The following ZNF483 variants were observed in gnomAD, a reference collection of about 807,000 sequenced individuals.
ZNF483 encodes the protein zinc finger protein HIT-10.
A neutral mutation model predicts 28.6 loss-of-function variants in ZNF483; 9 were observed. The ratio of observed to expected loss-of-function variants is 0.32; its 90% CI spans 0.19 to 0.55. The LOEUF (loss-of-function observed/expected upper bound fraction) is 0.55, where lower values mean the gene tolerates loss of function less well. Ranked by LOEUF, ZNF483 falls within the 20% of genes least tolerant of loss-of-function variation. The pLI, the probability that ZNF483 is intolerant of heterozygous loss-of-function variation, is 0.93. For synonymous variants in ZNF483, 322 were observed against 306.2 expected (o/e 1.05, Z -0.54); for missense variants, 675 against 871.7 (o/e 0.77, Z 2.84).
chr9:111,534,975 G>A (rs566855812), intron 5 of ZNF483, among the ~76,000 whole-genome samples: 55 of 151,994 alleles, frequency 3.6e-4, no homozygotes, highest in Admixed American at 1.0e-3. Flanking sequence ...GGCCTGCCTC[G>A]GCCTCCCAAA....
Position 111,560,966 on chromosome 9 carries a change from TATATATATAGAGAGAGAGAGAG to T in ZNF483, c.722-15397_722-15376del, listed in dbSNP as rs1278569108. 9.0e-4 allele frequency among the ~76,000 whole-genome samples: 41 copies of T among 45,356 alleles called. 5 individuals carry two copies. The highest frequency in any genetic ancestry group is 1.9e-3 in the South Asian group (2 of 1,080). 29.8% of individuals were successfully genotyped at this position (45,356 alleles called of 152,430 possible). Reference sequence around the variant, plus strand: ...TAAAATATATATATATATATATATATATATATATAGAGAGAGAGAGAGAGAGAGAGAGAGAGAGAGAGAGAGA... The same window carrying T: ...TAAAATATATATATATATATATATATAGAGAGAGAGAGAGAGAGAGAGAGA... On this transcript the variant is annotated intron_variant, in intron 5 of 5. Transcript: ENST00000358151.
intron 5 of ZNF483, among the ~76,000 whole-genome samples, chr9:111,561,214 A>G (rs1828313260): frequency 6.8e-6 from 1 of 147,996 alleles, no homozygotes; most frequent in Admixed American, 6.8e-5. Flanking sequence ...AGAGTATGGT[A>G]CCTTTCCATA....
At position 111,546,798 on chromosome 9, in the gene ZNF483, C is replaced by T. The variant is rs891590297; in HGVS notation, c.*3628C>T. On this transcript the variant is annotated 3_prime_UTR_variant, in exon 6 of 6. Transcript: ENST00000309235. ...CTATCCATCTCCAGAACTTTTTCAT[C>T]ATCCCAAACTGAAACTCTGTACTCC... is the stretch of plus-strand genomic sequence containing the variant. Among the ~76,000 whole-genome samples, 25 of 152,186 alleles carry T rather than the reference C, an allele frequency of 1.6e-4. No individual in the cohort carries two copies. Among genetic ancestry groups the T allele is most frequent in the African/African-American group, 6.0e-4 (25 of 41,458 alleles).
chr9:111,543,399 A>G lies in ZNF483; in HGVS notation c.*229A>G. The G allele has an allele frequency of 7.8e-7, 1 of 1,275,720 alleles. No homozygotes were observed. Among genetic ancestry groups the G allele is most frequent in the Non-Finnish European group, 9.9e-7 (1 of 1,011,678 alleles). 79.0% of individuals were successfully genotyped at this position (1,275,720 alleles called of 1,614,324 possible). A position where few individuals can be genotyped will look rare whatever the true frequency, so the allele number is the denominator to read the frequency against. On this transcript the variant is annotated 3_prime_UTR_variant, in exon 6 of 6. Coordinates refer to ENST00000309235, the MANE Select transcript of ZNF483 (RefSeq NM_133464.5). ...AAGGGAAGAATGCAAAATGATTCTGAGGCCAGACGAATTGGAAAAGCTCTT... is the reference window on the plus strand; with the variant it reads ...AAGGGAAGAATGCAAAATGATTCTGGGGCCAGACGAATTGGAAAAGCTCTT...
At chr9:111,533,118 T>G (rs930912270) in intron 3 of ZNF483, among the ~76,000 whole-genome samples, 3 of 152,246 alleles carry the variant, frequency 2.0e-5, no homozygotes, top group Non-Finnish European at 4.4e-5. Flanking sequence ...AAGCTTACAT[T>G]AATTCTGCAA....
chr9:111,528,409 A>G (rs1827233414), intron 2 of ZNF483, among the ~76,000 whole-genome samples: 1 of 152,236 alleles, frequency 6.6e-6, no homozygotes, highest in Admixed American at 6.5e-5. Context: ...GGATATATGT[A>G]TGTAATTACA....
chr9:111,526,616 A>G (rs1436671972), intron 1 of ZNF483, among the ~76,000 whole-genome samples: 1 of 152,150 alleles, frequency 6.6e-6, no homozygotes, highest in African/African-American at 2.4e-5. Context: ...CAAATATTAA[A>G]TTGGGCTTCT....
chr9:111,527,789 C>G lies in ZNF483; in HGVS notation c.394C>G (p.Gln132Glu). ...GGTGACCCTAATAGAAGATTTGACC[C>G]AGATGCTTGAAGAAAAAGGTGAGAT... Reference protein sequence around the residue: ...EVVTLIEDLTQMLEEKDPVSQ... With the variant: ...EVVTLIEDLTEMLEEKDPVSQ... Residue 132 changes from glutamine (Q) to glutamate (E), a missense_variant, in exon 2 of 6, where the codon CAG (glutamine) becomes GAG (glutamate). Gln to Glu is a conservative substitution (Grantham distance 29). Transcript: ENST00000309235. The G allele has an allele frequency of 6.2e-7, 1 of 1,614,078 alleles. No individual in the cohort carries two copies. Among genetic ancestry groups the G allele is most frequent in the Non-Finnish European group, 8.5e-7 (1 of 1,180,028 alleles).
chr9:111,535,158 C>G (rs1827459284), intron 5 of ZNF483, among the ~76,000 whole-genome samples: 1 of 152,154 alleles, frequency 6.6e-6, no homozygotes, highest in Non-Finnish European at 1.5e-5. Context: ...GGGAGCAACT[C>G]GTGGGAATTT....
rs145152626 is a variant in ZNF483 at position 111,544,068 on chromosome 9, CTCTTTT to C, written c.*905_*910del. The C allele has an allele frequency of 1.2e-4, 123 of 985,380 alleles. No individual in the cohort carries two copies. The South Asian group carries it at 4.9e-3, about 39-fold the overall frequency. 61.0% of individuals were successfully genotyped at this position (985,380 alleles called of 1,614,324 possible). A position where few individuals can be genotyped will look rare whatever the true frequency, so the allele number is the denominator to read the frequency against. On this transcript the variant is annotated 3_prime_UTR_variant, in exon 6 of 6. Coordinates refer to ENST00000309235, the MANE Select transcript of ZNF483 (RefSeq NM_133464.5). ...GGAGTATTTTAATCGGACAAGGGAACTCTTTTTCTTTTGGGCATTGGCCAACAGGAC... is the reference window on the plus strand; with the variant it reads ...GGAGTATTTTAATCGGACAAGGGAACTCTTTTGGGCATTGGCCAACAGGAC...
intron 5 of ZNF483, among the ~76,000 whole-genome samples, chr9:111,575,941 T>C (rs930633120): frequency 6.6e-6 from 1 of 151,772 alleles, no homozygotes; most frequent in African/African-American, 2.4e-5. Context: ...AAGAATACCA[T>C]CAAGAAAGTG....
rs1564588293 is a variant in ZNF483 at position 111,525,225 on chromosome 9, T to C, written c.-166T>C. 1 of 152,154 alleles carries C rather than the reference T, an allele frequency of 6.6e-6. No individual in the cohort carries two copies. The allele number at this position is 152,154 out of a possible 1,614,324, so 9.4% of individuals were successfully genotyped here. On this transcript the variant is annotated 5_prime_UTR_variant, in exon 1 of 6. Coordinates refer to ENST00000309235, the MANE Select transcript of ZNF483 (RefSeq NM_133464.5). ...GCGGGACAAGCTTCTGGAAGCTCTT[T>C]GCGGTGGCGTTGGTGCTGTTTGCGG...
chr9:111,561,179 A>AGAGAGAGAG (rs1828309828), intron 5 of ZNF483, among the ~76,000 whole-genome samples: 6 of 45,538 alleles, frequency 1.3e-4, no homozygotes, highest in South Asian at 1.4e-3. Flanking sequence ...GAGAGAGAGA[A>AGAGAGAGAG]AGAGAGAGAG....
rs879024239 is a variant in ZNF483 at position 111,576,252 on chromosome 9, G to C, written c.722-113G>C. Reference sequence around the variant, plus strand: ...GGAAAAAATATTTGCAAGCCATATAGAGTTGGTCCTCATTATTAGTGGATT... The same window carrying C: ...GGAAAAAATATTTGCAAGCCATATACAGTTGGTCCTCATTATTAGTGGATT... On this transcript the variant is annotated intron_variant, in intron 5 of 5. Transcript: ENST00000358151. The C allele has an allele frequency of 5.9e-6, 6 of 1,016,566 alleles. No homozygotes were observed. In the South Asian group the frequency reaches 7.0e-5, roughly 12 times the overall value. The allele number at this position is 1,016,566 out of a possible 1,614,324, so 63.0% of individuals were successfully genotyped here. A position where few individuals can be genotyped will look rare whatever the true frequency, so the allele number is the denominator to read the frequency against.
Position 111,542,349 on chromosome 9 carries a change from T to C in ZNF483, c.1414T>C (p.Cys472Arg). 6.2e-7 allele frequency: 1 copy of C among 1,614,086 alleles called. No homozygotes were observed. Among genetic ancestry groups the C allele is most frequent in the South Asian group, 1.1e-5 (1 of 91,078 alleles). The change falls in exon 6 of 6, where the codon TGT becomes CGT. Residue 472 changes from cysteine (C) to arginine (R), a missense_variant. Coordinates refer to ENST00000309235, the MANE Select transcript of ZNF483 (RefSeq NM_133464.5). This position sits in a 1 kb window ranked among gnomAD's most constrained non-coding sequence, Gnocchi z 6.2. ...AGAAAAACCCTATATGTGTAATGAATGTGGAAAAGCTTTTAGTGATAGTTC... is the reference window on the plus strand; with the variant it reads ...AGAAAAACCCTATATGTGTAATGAACGTGGAAAAGCTTTTAGTGATAGTTC... ...TGEKPYMCNE[C>R]GKAFSDSSSL...
At chr9:111,570,666 C>A (rs1828778395) in intron 5 of ZNF483, among the ~76,000 whole-genome samples, 1 of 151,712 alleles carries the variant, frequency 6.6e-6, no homozygotes, top group Non-Finnish European at 1.5e-5. Context: ...ATAGTCCCAG[C>A]TACTTGGGAG....
At position 111,554,323 on chromosome 9, in the gene ZNF483, TC is replaced by T. The variant is rs751036106; in HGVS notation, c.*11155del. On this transcript the variant is annotated 3_prime_UTR_variant, in exon 6 of 6. Transcript: ENST00000309235. ...CTGTCTTAGAAGTCACTTCTACTCTTCCGTTGCCCAGAGATCAATCATATAA... is the reference window on the plus strand; with the variant it reads ...CTGTCTTAGAAGTCACTTCTACTCTTCGTTGCCCAGAGATCAATCATATAA... 1.3e-5 allele frequency among the ~76,000 whole-genome samples: 2 copies of T among 152,194 alleles called. No homozygotes were observed. The highest frequency in any genetic ancestry group is 2.4e-5 in the African/African-American group (1 of 41,450).
chr9:111,572,099 A>C (rs578176666), intron 5 of ZNF483, among the ~76,000 whole-genome samples: 38 of 152,366 alleles, frequency 2.5e-4, no homozygotes, highest in African/African-American at 7.0e-4. Context: ...TAGCTTCAGC[A>C]TCTTTGACCA....
chr9:111,569,976 G>T, intron 5 of ZNF483: 1 of 1,518,162 alleles, frequency 6.6e-7, no homozygotes, highest in Non-Finnish European at 9.0e-7. Flanking sequence ...GACCCAATAG[G>T]GAAAAACTGA....
Sources: allele counts gnomAD v4.1 joint callset (sites outside exome capture counted in the v4.1 genomes callset), GRCh38; gene constraint gnomAD v4.1.1; non-coding constraint Gnocchi (gnomAD v3.1); transcripts MANE v1.5; gene names NCBI Gene and HGNC (gene_info 2026-07-23, HGNC 2026-07-21).